Variants in ZFHX3 observed in about 807,000 individuals in gnomAD.
ZFHX3 encodes zinc finger homeobox protein 3.
In ZFHX3, 42 loss-of-function variants were observed where a neutral mutation model predicts 279.1. That is an observed-to-expected ratio of 0.15 (90% CI 0.12 to 0.19). The LOEUF is 0.19. Among genes scored for constraint, ZFHX3 ranks in the 10% least tolerant of loss-of-function variants. The probability of loss-of-function intolerance (pLI) is 1.00; values close to 1 mark genes in which losing one functional copy is unlikely to be tolerated. For synonymous variants in ZFHX3, 2,293 were observed against 1,957.8 expected, an observed-to-expected ratio of 1.17 and a Z score of -4.52; for missense variants, 4,981 against 4,754.0, an observed-to-expected ratio of 1.05 and a Z score of -1.40.
chr16:73,270,080 A>C (rs1597254056), intron 4 of ZFHX3, among the ~76,000 whole-genome samples: 2 of 152,148 alleles, frequency 1.3e-5, no homozygotes, highest in East Asian at 3.8e-4. Context: ...CATTGCTATC[A>C]GCAACATATG....
intron 3 of ZFHX3, among the ~76,000 whole-genome samples, chr16:72,950,253 C>A (rs1013525074): frequency 6.6e-6 from 1 of 152,122 alleles, no homozygotes; most frequent in African/African-American, 2.4e-5. Context: ...AGAAAGAGAA[C>A]CTTCAGCTAG....
chr16:73,629,845 T>C (rs777533517), intron 2 of ZFHX3, among the ~76,000 whole-genome samples: 3 of 152,184 alleles, frequency 2.0e-5, no homozygotes, highest in Non-Finnish European at 4.4e-5. Context: ...ACAAGACAGG[T>C]TGCATACAAA....
At position 73,416,823 on chromosome 16, in the gene ZFHX3, G is replaced by A. The variant is rs1246700281; in HGVS notation, c.-1291+39180C>T. ...CGGGAGGCGGAGCCTGCAGTGAGCCGAGATCGCGCCACTGCACTCCAGCCT... is the reference window on the plus strand; with the variant it reads ...CGGGAGGCGGAGCCTGCAGTGAGCCAAGATCGCGCCACTGCACTCCAGCCT... On this transcript the variant is annotated intron_variant, in intron 3 of 17. Transcript: ENST00000641206. Among the ~76,000 whole-genome samples, 8 of 150,846 alleles carry A rather than the reference G, an allele frequency of 5.3e-5. No homozygotes were observed. In the East Asian group the frequency reaches 1.4e-3, roughly 26 times the overall value.
At chr16:73,837,279 G>T (rs979786315) in intron 1 of ZFHX3, among the ~76,000 whole-genome samples, 19 of 152,158 alleles carry the variant, frequency 1.2e-4, no homozygotes, top group Non-Finnish European at 2.6e-4. Context: ...AACCTCACTT[G>T]CCTGATACAA....
At chr16:73,842,624 G>T (rs1003579133) in intron 1 of ZFHX3, among the ~76,000 whole-genome samples, 8 of 152,126 alleles carry the variant, frequency 5.3e-5, no homozygotes, top group African/African-American at 1.7e-4. Context: ...GTATATGCAG[G>T]ACAGTGACAG....
At chr16:73,457,812 A>G (rs1231730559) in intron 2 of ZFHX3, among the ~76,000 whole-genome samples, 2 of 152,220 alleles carry the variant, frequency 1.3e-5, no homozygotes, top group African/African-American at 2.4e-5. Context: ...TGAGAGAGTC[A>G]TACCTACTTC....
intron 3 of ZFHX3, among the ~76,000 whole-genome samples, chr16:73,433,135 C>T (rs903881504): frequency 4.6e-5 from 7 of 152,148 alleles, no homozygotes; most frequent in South Asian, 2.1e-4. Flanking sequence ...CAAGGTCCTC[C>T]GTGGAGTAGA....
chr16:72,930,733 A>T (rs1226703307), intron 3 of ZFHX3, among the ~76,000 whole-genome samples: 1 of 152,254 alleles, frequency 6.6e-6, no homozygotes, highest in Non-Finnish European at 1.5e-5. Context: ...AGAAAACAAA[A>T]ATAATGCCTG....
chr16:73,876,663 G>A (rs1479648813), intron 1 of ZFHX3, among the ~76,000 whole-genome samples: 1 of 152,222 alleles, frequency 6.6e-6, no homozygotes, highest in East Asian at 1.9e-4. Flanking sequence ...AGTTGGATAT[G>A]TGGGGTAGGA....
chr16:73,365,339 G>A (rs1281594269), intron 3 of ZFHX3, among the ~76,000 whole-genome samples: 3 of 152,164 alleles, frequency 2.0e-5, no homozygotes, highest in Non-Finnish European at 2.9e-5. Context: ...CTGAGCTATC[G>A]GTCCATGTTT....
chr16:73,374,511 A>C (rs1360374925), intron 3 of ZFHX3, among the ~76,000 whole-genome samples: 1 of 152,230 alleles, frequency 6.6e-6, no homozygotes, highest in Non-Finnish European at 1.5e-5. Flanking sequence ...ACAATGATAC[A>C]GTTTAAAAAC....
intron 3 of ZFHX3, chr16:73,388,993 T>G (rs1169136830): frequency 2.0e-5 from 3 of 152,258 alleles, no homozygotes; most frequent in Admixed American, 6.5e-5. Flanking sequence ...AGGCGTCCAG[T>G]GCTCTGTTTC....
intron 1 of ZFHX3, among the ~76,000 whole-genome samples, chr16:73,725,107 T>C (rs1381432031): frequency 6.6e-6 from 1 of 152,234 alleles, no homozygotes; most frequent in Non-Finnish European, 1.5e-5. Context: ...AGAAAGCAAC[T>C]TTTTAACCGG....
intron 1 of ZFHX3, among the ~76,000 whole-genome samples, chr16:73,848,505 A>G (rs1355757019): frequency 1.3e-5 from 2 of 152,206 alleles, no homozygotes; most frequent in Admixed American, 6.5e-5. Flanking sequence ...AAAGGAAAGT[A>G]GGTTTAAGAA....
intron 4 of ZFHX3, among the ~76,000 whole-genome samples, chr16:72,876,154 G>A (rs948071062): frequency 6.6e-6 from 1 of 152,156 alleles, no homozygotes; most frequent in Non-Finnish European, 1.5e-5. Context: ...AACTTCAGAG[G>A]TTTTGGCCTA....
At chr16:73,102,291 C>T (rs1966241587) in intron 7 of ZFHX3, among the ~76,000 whole-genome samples, 1 of 152,184 alleles carries the variant, frequency 6.6e-6, no homozygotes, top group South Asian at 2.1e-4. Flanking sequence ...ATGCCAAATG[C>T]TGCCACTTCC....
At chr16:73,164,698 G>GA (rs545221088) in intron 5 of ZFHX3, among the ~76,000 whole-genome samples, 6,717 of 92,498 alleles carry the variant, frequency 0.073, 515 homozygotes, top group African/African-American at 0.2. Flanking sequence ...AGACTCTGTT[G>GA]AAAAAAAAAA....
Position 73,374,612 on chromosome 16 carries a change from CATTTT to C in ZFHX3, c.-1290-56281_-1290-56277del, listed in dbSNP as rs1382268202. ...TTCAAATTTCTCTGATTGTCCTATA[CATTTT>C]ATTTTTGAAGCCTGAATTAGGATCC... On this transcript the variant is annotated intron_variant, in intron 3 of 17. Transcript: ENST00000641206. 4.6e-5 allele frequency among the ~76,000 whole-genome samples: 7 copies of C among 152,326 alleles called. No homozygotes were observed. The East Asian group carries it at 1.3e-3, about 29-fold the overall frequency.
At chr16:73,733,251 TGAA>T (rs2053583632) in intron 1 of ZFHX3, among the ~76,000 whole-genome samples, 1 of 152,180 alleles carries the variant, frequency 6.6e-6, no homozygotes, top group Admixed American at 6.5e-5. Context: ...ATAAATCTGC[TGAA>T]GAAGTATTAT....
Sources: allele counts gnomAD v4.1 joint callset (sites outside exome capture counted in the v4.1 genomes callset), GRCh38; gene constraint gnomAD v4.1.1; transcripts MANE v1.5; gene names NCBI Gene and HGNC (gene_info 2026-07-23, HGNC 2026-07-21).